TDRD3: variants seen among roughly 807,000 people sequenced by gnomAD.
The protein encoded by TDRD3 is tudor domain containing 3.
A neutral mutation model predicts 86.7 loss-of-function variants in TDRD3; 45 were observed. The ratio of observed to expected loss-of-function variants is 0.52; its 90% confidence interval spans 0.41 to 0.67. The LOEUF (loss-of-function observed/expected upper bound fraction) is 0.67, where lower values mean the gene tolerates loss of function less well. Among genes scored for constraint, TDRD3 ranks in the 30% least tolerant of loss-of-function variants. The pLI is 0.00. For synonymous variants in TDRD3, 298 were observed against 301.7 expected (o/e 0.99, Z 0.13); for missense variants, 814 against 889.0 (o/e 0.92, Z 1.07).
chr13:60,456,069 C>CAAAAAAAAA (rs35117003), intron 3 of TDRD3, among the ~76,000 whole-genome samples: 7 of 95,568 alleles, frequency 7.3e-5, no homozygotes, highest in Non-Finnish European at 1.4e-4. Flanking sequence ...GACTATGTCT[C>CAAAAAAAAA]AAAAAAAAAA....
At chr13:60,560,474 C>T (rs946518638) in intron 12 of TDRD3, among the ~76,000 whole-genome samples, 2 of 152,138 alleles carry the variant, frequency 1.3e-5, no homozygotes, top group East Asian at 1.9e-4. Context: ...ATGGATGCAG[C>T]TTTTTGATGT....
At chr13:60,426,448 G>A (rs1954810538) in intron 1 of TDRD3, among the ~76,000 whole-genome samples, 1 of 152,148 alleles carries the variant, frequency 6.6e-6, no homozygotes, top group South Asian at 2.1e-4. Context: ...GTAACTGTGA[G>A]ATGATAGATA....
At chr13:60,501,991 G>A (rs531998009) in intron 8 of TDRD3, among the ~76,000 whole-genome samples, 110 of 152,268 alleles carry the variant, frequency 7.2e-4, no homozygotes, top group African/African-American at 2.5e-3. Flanking sequence ...CAGTTAGAAG[G>A]TGGTAACGTG....
intron 12 of TDRD3, among the ~76,000 whole-genome samples, chr13:60,546,296 C>A (rs188540372): frequency 3.3e-5 from 5 of 151,976 alleles, no homozygotes; most frequent in African/African-American, 1.2e-4. Context: ...ATGTTGTATT[C>A]TTTAGAAATT....
intron 10 of TDRD3, among the ~76,000 whole-genome samples, chr13:60,525,113 C>G (rs1957390200): frequency 7.3e-6 from 1 of 137,668 alleles, no homozygotes; most frequent in African/African-American, 2.6e-5. Context: ...AAAAAAACCC[C>G]ACAATTTTCA....
chr13:60,434,458 C>T (rs867607627), intron 1 of TDRD3, among the ~76,000 whole-genome samples: 1 of 148,688 alleles, frequency 6.7e-6, no homozygotes, highest in South Asian at 2.1e-4. Flanking sequence ...AAAGTGAGAC[C>T]CTGTTTAAAA....
At chr13:60,536,064 G>A (rs1382453862) in intron 12 of TDRD3, 1 of 152,006 alleles carries the variant, frequency 6.6e-6, no homozygotes, top group Non-Finnish European at 1.5e-5. Flanking sequence ...ATCATCCAGA[G>A]TAACTTCATC....
At chr13:60,498,982 G>A (rs1424272258) in intron 8 of TDRD3, among the ~76,000 whole-genome samples, 8 of 152,162 alleles carry the variant, frequency 5.3e-5, no homozygotes, top group African/African-American at 1.9e-4. Context: ...CCCAGTGCCA[G>A]AATGCATAAT....
chr13:60,494,814 G>A (rs1037698431), intron 8 of TDRD3, among the ~76,000 whole-genome samples: 1 of 152,096 alleles, frequency 6.6e-6, no homozygotes, highest in Non-Finnish European at 1.5e-5. Flanking sequence ...ATTTTGGAAT[G>A]GATTGATAAA....
At chr13:60,455,441 A>G (rs561725598) in intron 3 of TDRD3, among the ~76,000 whole-genome samples, 3 of 152,330 alleles carry the variant, frequency 2.0e-5, no homozygotes, top group Admixed American at 6.5e-5. Flanking sequence ...AATTTAGTCA[A>G]AAACCTCCCT....
intron 5 of TDRD3, among the ~76,000 whole-genome samples, chr13:60,468,351 C>A (rs1399011329): frequency 6.6e-6 from 1 of 152,140 alleles, no homozygotes; most frequent in East Asian, 1.9e-4. Context: ...CCCCGCATAG[C>A]CAAATCATCC....
At position 60,529,195 on chromosome 13, in the gene TDRD3, C is replaced by T; in HGVS notation, c.1970C>T (p.Ala657Val). Residue 657 changes from alanine to valine, a missense_variant, in exon 11 of 14, where the codon GCA (alanine) becomes GTA (valine). Ala to Val is a moderately conservative substitution (Grantham distance 64). Coordinates refer to ENST00000377881, the MANE Select transcript of TDRD3 (RefSeq NM_001146070.2). ...TGGAAACCTGGAGATGAATGTTTTG[C>T]ACTTTATTGGGAAGACAACAAGGTA... ...KMWKPGDECF[A>V]LYWEDNKFYR... The T allele has an allele frequency of 1.2e-6, 2 of 1,602,576 alleles. No individual in the cohort carries two copies. The highest frequency in any genetic ancestry group is 1.7e-6 in the Non-Finnish European group (2 of 1,175,372).
At chr13:60,412,882 A>G (rs1484880518) in intron 1 of TDRD3, among the ~76,000 whole-genome samples, 1 of 152,160 alleles carries the variant, frequency 6.6e-6, no homozygotes, top group East Asian at 1.9e-4. Flanking sequence ...GCTTTAAGCA[A>G]AAGTATATGT....
At chr13:60,405,483 G>A (rs1030449763) in intron 1 of TDRD3, among the ~76,000 whole-genome samples, 4 of 152,192 alleles carry the variant, frequency 2.6e-5, no homozygotes, top group African/African-American at 9.7e-5. Context: ...TACTAAAGGG[G>A]AGTTCGTGTT....
intron 12 of TDRD3, among the ~76,000 whole-genome samples, chr13:60,563,969 T>C (rs1231237428): frequency 6.6e-6 from 1 of 152,250 alleles, no homozygotes; most frequent in East Asian, 1.9e-4. Flanking sequence ...ATCTCCTTTT[T>C]GCATTGGTTT....
chr13:60,455,629 TA>T (rs1419378605), intron 3 of TDRD3, among the ~76,000 whole-genome samples: 3 of 152,234 alleles, frequency 2.0e-5, no homozygotes, highest in Non-Finnish European at 4.4e-5. Context: ...TACTTTGCAA[TA>T]ATGGTGGAAC....
At chr13:60,513,607 G>A (rs1250068646) in intron 10 of TDRD3, among the ~76,000 whole-genome samples, 1 of 152,106 alleles carries the variant, frequency 6.6e-6, no homozygotes, top group Admixed American at 6.5e-5. Context: ...ACATGTTGTG[G>A]GAGGCACTCG....
At chr13:60,539,253 T>C (rs1176720826) in intron 12 of TDRD3, among the ~76,000 whole-genome samples, 1 of 152,106 alleles carries the variant, frequency 6.6e-6, no homozygotes, top group Non-Finnish European at 1.5e-5. Flanking sequence ...GGTGAGGGTA[T>C]ATGTAAGTCT....
intron 8 of TDRD3, among the ~76,000 whole-genome samples, chr13:60,502,341 A>G (rs1956852161): frequency 6.6e-6 from 1 of 152,214 alleles, no homozygotes; most frequent in Non-Finnish European, 1.5e-5. Context: ...AAATAAACTA[A>G]AAAACAATTA....
Sources: allele counts gnomAD v4.1 joint callset (sites outside exome capture counted in the v4.1 genomes callset), GRCh38; gene constraint gnomAD v4.1.1; transcripts MANE v1.5; gene names NCBI Gene and HGNC (gene_info 2026-07-23, HGNC 2026-07-21).